Variants in NFKB1 observed in about 807,000 individuals in gnomAD.
NFKB1 encodes nuclear factor NF-kappa-B p105 subunit.
NFKB1 carries 9 observed loss-of-function variants against 105.1 expected under a neutral mutation model. The ratio of observed to expected loss-of-function variants is 0.09; its 90% CI spans 0.05 to 0.15. NFKB1 has a LOEUF of 0.15. NFKB1 is among the 10% of genes least tolerant of loss of function. The pLI, the probability that NFKB1 is intolerant of heterozygous loss-of-function variation, is 1.00. For synonymous variants in NFKB1, 440 were observed against 442.2 expected (o/e 1.00, Z 0.06); for missense variants, 830 against 1,203.7 (o/e 0.69, Z 4.59).
chr4:102,577,313 C>T (rs2149182406), intron 7 of NFKB1, among the ~76,000 whole-genome samples: 1 of 152,278 alleles, frequency 6.6e-6, no homozygotes, highest in East Asian at 1.9e-4. Context: ...TCTCTGCTCT[C>T]TGAATAACTG....
At chr4:102,543,189 CTG>C (rs1560657489) in intron 5 of NFKB1, among the ~76,000 whole-genome samples, 1 of 152,102 alleles carries the variant, frequency 6.6e-6, no homozygotes, top group East Asian at 1.9e-4. Flanking sequence ...AAAAATCAAA[CTG>C]TGTTCCCTTT....
At position 102,546,565 on chromosome 4, in the gene NFKB1, G is replaced by A. The variant is rs1015107712; in HGVS notation, c.258+8609G>A. On this transcript the variant is annotated intron_variant, in intron 5 of 23. Transcript: ENST00000226574. ...TAGAAAGTATGAAAACTACTGGGGCGCCGTAAGACAAAAGAAAACTTTGGG... is the reference window on the plus strand; with the variant it reads ...TAGAAAGTATGAAAACTACTGGGGCACCGTAAGACAAAAGAAAACTTTGGG... 1.1e-4 allele frequency among the ~76,000 whole-genome samples: 17 copies of A among 152,194 alleles called. 1 individual carries two copies. Among genetic ancestry groups the A allele is most frequent in the South Asian group, 6.2e-4 (3 of 4,818 alleles).
intron 23 of NFKB1, among the ~76,000 whole-genome samples, chr4:102,614,993 G>A (rs558776599): frequency 1.5e-4 from 23 of 152,020 alleles, no homozygotes; most frequent in Middle Eastern, 3.4e-3. Flanking sequence ...TGCAACCACC[G>A]CCCCAGGCCA....
At chr4:102,504,296 CTGT>C (rs1739283800) in intron 1 of NFKB1, among the ~76,000 whole-genome samples, 1 of 152,160 alleles carries the variant, frequency 6.6e-6, no homozygotes, top group Admixed American at 6.5e-5. Context: ...ATGCACAGTA[CTGT>C]TGTATAACCA....
intron 5 of NFKB1, among the ~76,000 whole-genome samples, chr4:102,549,968 A>G (rs945514606): frequency 1.3e-5 from 2 of 152,098 alleles, no homozygotes; most frequent in Admixed American, 1.3e-4. Context: ...ATGAATGATT[A>G]TTTCCTAAAT....
intron 5 of NFKB1, among the ~76,000 whole-genome samples, chr4:102,543,645 T>TA (rs2149134594): frequency 1.3e-5 from 2 of 151,884 alleles, no homozygotes; most frequent in South Asian, 4.2e-4. Context: ...TGCCTTTCCT[T>TA]AAAAATCCTA....
intron 15 of NFKB1, among the ~76,000 whole-genome samples, chr4:102,600,199 A>G (rs1727020657): frequency 6.6e-6 from 1 of 152,224 alleles, no homozygotes; most frequent in South Asian, 2.1e-4. Flanking sequence ...TTGAACTGGA[A>G]TATAAAGGAT....
chr4:102,509,348 C>CT (rs1560627731), intron 1 of NFKB1, among the ~76,000 whole-genome samples: 1 of 152,108 alleles, frequency 6.6e-6, no homozygotes, highest in African/African-American at 2.4e-5. Context: ...AGTTACAATT[C>CT]TTTTTTTGTG....
chr4:102,589,348 T>A (rs1444602265), intron 11 of NFKB1, among the ~76,000 whole-genome samples: 1 of 152,190 alleles, frequency 6.6e-6, no homozygotes, highest in Non-Finnish European at 1.5e-5. Flanking sequence ...TTAGTTAAGA[T>A]AGAACCGATG....
intron 15 of NFKB1, among the ~76,000 whole-genome samples, chr4:102,599,052 G>A (rs1391470807): frequency 6.6e-6 from 1 of 152,144 alleles, no homozygotes; most frequent in African/African-American, 2.4e-5. Flanking sequence ...GTGGCCATTA[G>A]TCATCATAGA....
rs1725582020 is a variant in NFKB1 at position 102,584,757 on chromosome 4, C to T, written c.1003C>T (p.Arg335Trp). Residue 335 changes from arginine to tryptophan, a missense_variant, in exon 11 of 24, where the codon CGG becomes TGG. Physicochemically the swap from Arg to Trp is moderately radical, Grantham distance 101. Transcript: ENST00000226574. ...ACCAGCCTCTGTGTTTGTCCAGCTT[C>T]GGAGGAAATCTGACTTGGAAACTAG... ...TKPASVFVQL[R>W]RKSDLETSEP... The T allele has an allele frequency of 1.2e-6, 2 of 1,612,924 alleles. No homozygotes were observed. The highest frequency in any genetic ancestry group is 8.5e-7 in the Non-Finnish European group (1 of 1,179,284).
At chr4:102,523,531 A>G (rs566313775) in intron 1 of NFKB1, among the ~76,000 whole-genome samples, 4 of 152,186 alleles carry the variant, frequency 2.6e-5, no homozygotes, top group Non-Finnish European at 2.9e-5. Context: ...GTTATGTGAT[A>G]TATTCATTAC....
At chr4:102,594,752 C>A in intron 12 of NFKB1, 140 bp from the exon 13 acceptor site, 1 of 552,378 alleles carries the variant, frequency 1.8e-6, no homozygotes, top group Non-Finnish European at 3.3e-6. Context: ...TGTCTTAGTC[C>A]CAACAGAAAA....
At chr4:102,604,749 A>T (rs1227377743) in intron 16 of NFKB1, among the ~76,000 whole-genome samples, 2 of 151,646 alleles carry the variant, frequency 1.3e-5, no homozygotes, top group African/African-American at 4.9e-5. Context: ...GACTGTCCTC[A>T]CTTATGTCCT....
intron 7 of NFKB1, among the ~76,000 whole-genome samples, 196 bp downstream of exon 7, chr4:102,577,235 G>A (rs2149182268): frequency 6.6e-6 from 1 of 152,186 alleles, no homozygotes; most frequent in African/African-American, 2.4e-5. Flanking sequence ...GTCATACAAA[G>A]CCCTGCTTCT....
chr4:102,523,510 C>T (rs990287424), intron 1 of NFKB1, among the ~76,000 whole-genome samples: 11 of 152,138 alleles, frequency 7.2e-5, no homozygotes, highest in African/African-American at 2.7e-4. Context: ...GGGCTTTGTG[C>T]TTATTGGAGT....
chr4:102,526,020 C>T (rs1327265179), intron 2 of NFKB1, among the ~76,000 whole-genome samples: 9 of 152,136 alleles, frequency 5.9e-5, no homozygotes, highest in Non-Finnish European at 1.2e-4. Flanking sequence ...TCGCTCCAAT[C>T]TCTTCCTCCA....
Position 102,584,755 on chromosome 4 carries a change from T to C in NFKB1, c.1001T>C (p.Leu334Pro), listed in dbSNP as rs1725581780. Residue 334 changes from leucine (L) to proline (P), a missense_variant, in exon 11 of 24, where the codon CTT becomes CCT. By Grantham distance (98) the Leu-to-Pro change is moderately conservative. Around this residue, in one of 8 missense-constraint regions of NFKB1, gnomAD observed 42 missense variants for 145.7 expected, o/e 0.29. Coordinates refer to ENST00000226574, the MANE Select transcript of NFKB1 (RefSeq NM_003998.4). ...ITKPASVFVQ[L>P]RRKSDLETSE... is the part of the protein sequence containing the mutation. Reference sequence around the variant, plus strand: ...AAACCAGCCTCTGTGTTTGTCCAGCTTCGGAGGAAATCTGACTTGGAAACT... The same window carrying C: ...AAACCAGCCTCTGTGTTTGTCCAGCCTCGGAGGAAATCTGACTTGGAAACT... 1 of 1,613,018 alleles carries C rather than the reference T, an allele frequency of 6.2e-7. No individual in the cohort carries two copies. The highest frequency in any genetic ancestry group is 8.5e-7 in the Non-Finnish European group (1 of 1,179,432).
intron 11 of NFKB1, among the ~76,000 whole-genome samples, chr4:102,592,890 TCTGCA>T (rs1360845167): frequency 6.6e-6 from 1 of 152,198 alleles, no homozygotes; most frequent in Admixed American, 6.5e-5. Flanking sequence ...AGAACACTGA[TCTGCA>T]CCATGAATTT....
Sources: allele counts gnomAD v4.1 joint callset (sites outside exome capture counted in the v4.1 genomes callset), GRCh38; gene constraint gnomAD v4.1.1; regional missense constraint gnomAD v4.1.1; transcripts MANE v1.5; gene names NCBI Gene and HGNC (gene_info 2026-07-23, HGNC 2026-07-21).